Variants in LRRTM4 observed in about 807,000 individuals in gnomAD.
LRRTM4 encodes the protein leucine rich repeat transmembrane neuronal 4, also known as leucine-rich repeat transmembrane neuronal protein 4.
In LRRTM4, 25 loss-of-function variants were observed where a neutral mutation model predicts 47.6. The ratio of observed to expected loss-of-function variants is 0.53; its 90% CI spans 0.38 to 0.73. The LOEUF (loss-of-function observed/expected upper bound fraction) is 0.73, where lower values mean the gene tolerates loss of function less well. Among genes scored for constraint, LRRTM4 ranks in the 30% least tolerant of loss-of-function variants. The pLI, the probability that LRRTM4 is intolerant of heterozygous loss-of-function variation, is 0.00. For missense variants in LRRTM4, 638 were observed against 713.4 expected, an observed-to-expected ratio of 0.89 and a Z score of 1.20; for synonymous variants, 311 against 269.5, an observed-to-expected ratio of 1.15 and a Z score of -1.51.
intron 3 of LRRTM4, among the ~76,000 whole-genome samples, chr2:77,241,161 G>A (rs1675250333): frequency 3.3e-5 from 5 of 150,810 alleles, no homozygotes; most frequent in Admixed American, 3.3e-4. Flanking sequence ...CTGATTTCAA[G>A]ACTTTCAATA....
At chr2:76,801,588 G>C (rs994088478) in intron 3 of LRRTM4, among the ~76,000 whole-genome samples, 1 of 151,746 alleles carries the variant, frequency 6.6e-6, no homozygotes, top group Non-Finnish European at 1.5e-5. Context: ...TGGGTGCAGT[G>C]CACCAGCATG....
intron 3 of LRRTM4, among the ~76,000 whole-genome samples, chr2:77,476,436 C>G (rs1158055276): frequency 2.0e-5 from 3 of 151,828 alleles, no homozygotes; most frequent in African/African-American, 7.3e-5. Flanking sequence ...GCAACAAAAG[C>G]CATACATTGA....
chr2:76,898,759 T>C (rs927186343), intron 3 of LRRTM4, among the ~76,000 whole-genome samples: 18 of 151,182 alleles, frequency 1.2e-4, no homozygotes, highest in Non-Finnish European at 2.4e-4. Context: ...AGAAAAGGTA[T>C]AGAAGATATA....
intron 3 of LRRTM4, among the ~76,000 whole-genome samples, chr2:76,846,372 A>G (rs1399801721): frequency 6.6e-6 from 1 of 152,178 alleles, no homozygotes; most frequent in Admixed American, 6.5e-5. Flanking sequence ...AACTTCACTT[A>G]GGATAATTTG....
chr2:77,096,293 C>T (rs1417805203), intron 3 of LRRTM4, among the ~76,000 whole-genome samples: 2 of 151,288 alleles, frequency 1.3e-5, no homozygotes, highest in Admixed American at 6.6e-5. Context: ...AAAAAACTGT[C>T]GTAATTTAAA....
At chr2:76,839,813 G>T (rs1383268064) in intron 3 of LRRTM4, among the ~76,000 whole-genome samples, 1 of 151,554 alleles carries the variant, frequency 6.6e-6, no homozygotes, top group African/African-American at 2.4e-5. Flanking sequence ...TTTTTTAATG[G>T]TAAATCTTGT....
At position 76,776,541 on chromosome 2, in the gene LRRTM4, C is replaced by G. The variant is rs1674004315; in HGVS notation, c.1552-27625G>C. Among the ~76,000 whole-genome samples the G allele has an allele frequency of 5.9e-5, 9 of 152,238 alleles. No homozygotes were observed. In the South Asian group the frequency reaches 1.7e-3, roughly 28 times the overall value. On this transcript the variant is annotated intron_variant, in intron 3 of 3. Coordinates refer to ENST00000409884, the MANE Select transcript of LRRTM4 (RefSeq NM_001134745.3). ...GAGCATTTTTTCATGTGTTTTTTGG[C>G]TGCATAAATGTCTTCTTTTGAGAAG...
At chr2:77,033,071 G>A (rs1041944555) in intron 3 of LRRTM4, among the ~76,000 whole-genome samples, 7 of 152,028 alleles carry the variant, frequency 4.6e-5, no homozygotes, top group African/African-American at 1.2e-4. Context: ...GTAATCTGAT[G>A]TTTTAAAGTT....
intron 3 of LRRTM4, among the ~76,000 whole-genome samples, chr2:77,174,351 G>A (rs1030593622): frequency 1.3e-5 from 2 of 152,172 alleles, no homozygotes; most frequent in Non-Finnish European, 2.9e-5. Context: ...AGGCCACTGG[G>A]TTTTGGAGGC....
intron 3 of LRRTM4, among the ~76,000 whole-genome samples, chr2:76,762,841 A>AT (rs1435514113): frequency 1.3e-5 from 2 of 152,314 alleles, no homozygotes; most frequent in East Asian, 3.9e-4. Flanking sequence ...ATTACATAGC[A>AT]TTTTAAAAAA....
At chr2:76,848,659 T>G (rs1003069418) in intron 3 of LRRTM4, among the ~76,000 whole-genome samples, 3 of 152,054 alleles carry the variant, frequency 2.0e-5, no homozygotes, top group Non-Finnish European at 4.4e-5. Context: ...TTGAAACAAA[T>G]GGATATTATC....
At chr2:77,174,762 C>T (rs933426396) in intron 3 of LRRTM4, among the ~76,000 whole-genome samples, 2 of 151,990 alleles carry the variant, frequency 1.3e-5, no homozygotes, top group African/African-American at 4.8e-5. Context: ...TGTCATTTAA[C>T]ATTAGGTATA....
intron 3 of LRRTM4, among the ~76,000 whole-genome samples, chr2:77,053,242 A>G (rs888422290): frequency 1.3e-5 from 2 of 152,226 alleles, no homozygotes; most frequent in South Asian, 2.1e-4. Flanking sequence ...CTATATCTCC[A>G]TGACTGATCA....
chr2:77,360,846 A>C (rs2104315391), intron 3 of LRRTM4, among the ~76,000 whole-genome samples: 1 of 152,030 alleles, frequency 6.6e-6, no homozygotes, highest in Admixed American at 6.5e-5. Context: ...TTACTTTGTA[A>C]TTTTCTCCCC....
chr2:77,043,302 C>G (rs542447963), intron 3 of LRRTM4, among the ~76,000 whole-genome samples: 2 of 151,712 alleles, frequency 1.3e-5, no homozygotes, highest in Admixed American at 6.6e-5. Flanking sequence ...CTTTCTTCAG[C>G]GTGCTTAAAT....
chr2:77,312,543 AT>A (rs1435252603), intron 3 of LRRTM4, among the ~76,000 whole-genome samples: 1 of 152,166 alleles, frequency 6.6e-6, no homozygotes, highest in Non-Finnish European at 1.5e-5. Flanking sequence ...TATTCATTGT[AT>A]TTATTTCTCT....
intron 3 of LRRTM4, among the ~76,000 whole-genome samples, chr2:77,370,889 A>G (rs1229777867): frequency 6.6e-6 from 1 of 151,662 alleles, no homozygotes; most frequent in Admixed American, 6.6e-5. Context: ...GATAAAAGGA[A>G]CTGAGGCATC....
intron 3 of LRRTM4, among the ~76,000 whole-genome samples, chr2:77,164,090 G>T (rs1672810962): frequency 6.6e-6 from 1 of 152,060 alleles, no homozygotes; most frequent in African/African-American, 2.4e-5. Flanking sequence ...ACACACATAG[G>T]CTCAAAATAA....
Position 76,855,837 on chromosome 2 carries a change from A to G in LRRTM4, c.1552-106921T>C, listed in dbSNP as rs1349891536. Among the ~76,000 whole-genome samples, 5 of 152,142 alleles carry G rather than the reference A, an allele frequency of 3.3e-5. No individual in the cohort carries two copies. The East Asian group carries it at 7.7e-4, about 23-fold the overall frequency. The stretch of plus-strand genomic sequence containing the variant: ...GGGGTGGTGTCTACAGAAAGCACAA[A>G]TAACGCTGTTATTGAAGGGTAAGAA... On this transcript the variant is annotated intron_variant, in intron 3 of 3. Transcript: ENST00000409884.
Sources: gnomAD v4.1 joint callset for allele counts (sites outside exome capture counted in the v4.1 genomes callset) on GRCh38, gnomAD v4.1.1 for gene constraint, MANE v1.5 for transcripts, NCBI Gene and HGNC (gene_info 2026-07-23, HGNC 2026-07-21) for gene names.